AP2A1: variants seen among roughly 807,000 people sequenced by gnomAD.
The protein encoded by AP2A1 is AP-2 complex subunit alpha-1.
In AP2A1, 21 loss-of-function variants were observed where a neutral mutation model predicts 107.3. The ratio of observed to expected loss-of-function variants is 0.20; its 90% CI spans 0.14 to 0.28. The LOEUF (loss-of-function observed/expected upper bound fraction) is 0.28. Ranked by LOEUF, AP2A1 falls within the 10% of genes least tolerant of loss-of-function variation. The probability of loss-of-function intolerance (pLI) is 1.00; values close to 1 mark genes in which losing one functional copy is unlikely to be tolerated. For synonymous variants in AP2A1, 602 were observed against 564.8 expected (o/e 1.07, Z -0.93); for missense variants, 873 against 1,307.7 (o/e 0.67, Z 5.13).
intron 4 of AP2A1, among the ~76,000 whole-genome samples, chr19:49,786,140 G>A (rs909086931): frequency 1.4e-5 from 2 of 147,128 alleles, no homozygotes; most frequent in Non-Finnish European, 3.0e-5. Context: ...CCAGCTACTC[G>A]AGTGACTGAG....
rs1010116381 is a variant in AP2A1 at position 49,791,928 on chromosome 19, C to T, written c.474-7C>T. ...TGCTTCCCCTGCCCTGCATGGTGTC[C>T]CCACAGGGACAGCATGGACAGTGTC... On this transcript the variant is annotated splice_region_variant and splice_polypyrimidine_tract_variant and intron_variant, in intron 4 of 22. Transcript: ENST00000354293. 15 of 1,604,222 alleles carry T rather than the reference C, an allele frequency of 9.4e-6. No homozygotes were observed. The highest frequency in any genetic ancestry group is 1.3e-5 in the Non-Finnish European group (15 of 1,177,056).
intron 1 of AP2A1, 111 bp from the exon 2 acceptor site, chr19:49,781,646 G>A: frequency 8.8e-7 from 1 of 1,130,284 alleles, no homozygotes. Context: ...CCAGGGCTTG[G>A]GGGCGGAGAA....
At chr19:49,776,865 C>CT (rs1455332201) in intron 1 of AP2A1, among the ~76,000 whole-genome samples, 1 of 152,124 alleles carries the variant, frequency 6.6e-6, no homozygotes, top group Non-Finnish European at 1.5e-5. Flanking sequence ...CTCTGAATTC[C>CT]TTTTTTTATA....
In AP2A1 at chr19:49,803,090, G is replaced by A. The variant is rs1323484179; in HGVS notation, c.2172-17G>A. ...CAGACAGGCACCCCCGTCATCTTGCGCCCCCTGCCCCCTCAGGTTTGTGTG... is the reference window on the plus strand; with the variant it reads ...CAGACAGGCACCCCCGTCATCTTGCACCCCCTGCCCCCTCAGGTTTGTGTG... On this transcript the variant is annotated splice_polypyrimidine_tract_variant and intron_variant, in intron 16 of 22. Coordinates refer to ENST00000354293, the MANE Select transcript of AP2A1 (RefSeq NM_130787.3). The A allele has an allele frequency of 1.2e-6, 2 of 1,613,888 alleles. No individual in the cohort carries two copies. Among genetic ancestry groups the A allele is most frequent in the Admixed American group, 1.7e-5 (1 of 60,006 alleles).
At chr19:49,796,560 T>C (rs1260044315) in intron 7 of AP2A1, 1 of 152,340 alleles carries the variant, frequency 6.6e-6, no homozygotes, top group Non-Finnish European at 1.5e-5. Flanking sequence ...ACCAAATCTC[T>C]GGGTGTGCAT....
chr19:49,802,005 C>T lies in AP2A1; in HGVS notation c.1978C>T (p.Leu660Phe), dbSNP rs530851870. Residue 660 changes from leucine to phenylalanine, a missense_variant, in exon 15 of 23, where the codon CTC becomes TTC. By Grantham distance (22) the Leu-to-Phe change is conservative. Around this residue, in one of 4 missense-constraint regions of AP2A1, gnomAD observed 416 missense variants for 473.4 expected, o/e 0.88. Transcript: ENST00000354293. ...TVSTPSPSAD[L>F]LGLRAAPPPA... is the part of the protein sequence containing the mutation. ...GTCGACGCCCTCGCCCTCCGCCGAC[C>T]TCCTGGGGCTGCGGGCAGCCCCTCC... is the stretch of plus-strand genomic sequence containing the variant. 2.6e-6 allele frequency: 4 copies of T among 1,544,030 alleles called. No individual in the cohort carries two copies. Among genetic ancestry groups the T allele is most frequent in the South Asian group, 2.4e-5 (2 of 83,754 alleles).
chr19:49,805,554 C>A lies in AP2A1; in HGVS notation c.2446C>A (p.Pro816Thr). 1 of 1,576,960 alleles carries A rather than the reference C, an allele frequency of 6.3e-7. No individual in the cohort carries two copies. The highest frequency in any genetic ancestry group is 8.6e-7 in the Non-Finnish European group (1 of 1,161,752). Residue 816 changes from proline to threonine, a missense_variant, in exon 19 of 23, where the codon CCG becomes ACG. Pro to Thr is a conservative substitution (Grantham distance 38). Around this residue, in one of 4 missense-constraint regions of AP2A1, gnomAD observed 416 missense variants for 473.4 expected, o/e 0.88. Coordinates refer to ENST00000354293, the MANE Select transcript of AP2A1 (RefSeq NM_130787.3). ...GTGCCTGCGGGACTTCCTGACGCCCCCGCTGCTGTCCGTGCGCTTCCGGTG... is the reference window on the plus strand; with the variant it reads ...GTGCCTGCGGGACTTCCTGACGCCCACGCTGCTGTCCGTGCGCTTCCGGTG... ...IECLRDFLTPPLLSVRFRYGG... is the reference protein window; with the variant it reads ...IECLRDFLTPTLLSVRFRYGG...
At position 49,801,452 on chromosome 19, in the gene AP2A1, C is replaced by T; in HGVS notation, c.1616C>T (p.Ala539Val). Residue 539 changes from alanine (A) to valine (V), a missense_variant, in exon 13 of 23, where the codon GCG (alanine) becomes GTG (valine). Around this residue, in one of 4 missense-constraint regions of AP2A1, gnomAD observed 213 missense variants for 443.5 expected, o/e 0.48. Transcript: ENST00000354293. Reference protein sequence around the residue: ...KFHLCSVATRALLLSTYIKFI... With the variant: ...KFHLCSVATRVLLLSTYIKFI... ...CATCTGTGCAGCGTGGCCACGCGGG[C>T]GCTGCTGCTGTCCACCTACATCAAG... 8 of 1,613,844 alleles carry T rather than the reference C, an allele frequency of 5.0e-6. No homozygotes were observed. The highest frequency in any genetic ancestry group is 6.8e-6 in the Non-Finnish European group (8 of 1,179,858).
At chr19:49,771,092 T>C (rs573678282) in intron 1 of AP2A1, among the ~76,000 whole-genome samples, 11 of 151,882 alleles carry the variant, frequency 7.2e-5, no homozygotes, top group African/African-American at 2.7e-4. Context: ...CCTCAGGTGA[T>C]CCACTACCCC....
chr19:49,806,250 C>T lies in AP2A1; in HGVS notation c.2787C>T (p.Ala929=). The T allele has an allele frequency of 6.2e-7, 1 of 1,604,930 alleles. No individual in the cohort carries two copies. The highest frequency in any genetic ancestry group is 8.5e-7 in the Non-Finnish European group (1 of 1,176,070). The change falls in exon 22 of 23, where the codon GCC becomes GCT. Residue 929 remains alanine, a synonymous_variant. Coordinates refer to ENST00000354293, the MANE Select transcript of AP2A1 (RefSeq NM_130787.3). The part of the protein sequence containing the change: ...CLLRLEPNAQ[A]QMYRLTLRTS... Reference sequence around the variant, plus strand: ...TTCGGCTGGAGCCCAATGCCCAGGCCCAGGTGAGTGCTGCTGTGGGAGGCC... The same window carrying T: ...TTCGGCTGGAGCCCAATGCCCAGGCTCAGGTGAGTGCTGCTGTGGGAGGCC...
At position 49,801,964 on chromosome 19, in the gene AP2A1, A is replaced by G. The variant is rs1431211402; in HGVS notation, c.1954-17A>G. 2.0e-6 allele frequency: 3 copies of G among 1,478,632 alleles called. No homozygotes were observed. Among genetic ancestry groups the G allele is most frequent in the Admixed American group, 2.5e-5 (1 of 40,350 alleles). The allele number at this position is 1,478,632 out of a possible 1,614,324, so 91.6% of individuals were successfully genotyped here. On this transcript the variant is annotated splice_polypyrimidine_tract_variant and intron_variant, in intron 14 of 22. Coordinates refer to ENST00000354293, the MANE Select transcript of AP2A1 (RefSeq NM_130787.3). ...CCGGGCGCCGCCTGTCCTCACCGTGACCTGCGCTTCCTACAGTCGACGCCC... is the reference window on the plus strand; with the variant it reads ...CCGGGCGCCGCCTGTCCTCACCGTGGCCTGCGCTTCCTACAGTCGACGCCC...
intron 1 of AP2A1, among the ~76,000 whole-genome samples, chr19:49,772,966 G>C (rs891660451): frequency 6.6e-6 from 1 of 151,968 alleles, no homozygotes; most frequent in South Asian, 2.1e-4. Context: ...AAGCAGGAGC[G>C]AGGGAAGAGA....
rs1300376586 is a variant in AP2A1, at chr19:49,787,529, T to C, written c.474-4406T>C. Among the ~76,000 whole-genome samples the C allele has an allele frequency of 3.4e-5, 5 of 146,368 alleles. No individual in the cohort carries two copies. In the South Asian group the frequency reaches 8.8e-4, roughly 26 times the overall value. On this transcript the variant is annotated intron_variant, in intron 4 of 22. Coordinates refer to ENST00000354293, the MANE Select transcript of AP2A1 (RefSeq NM_130787.3). ...CACCTGGCTATTTTTTTTTTTTTTT[T>C]AGTAGAGACGAGGTTTGCCATGTTG... is the stretch of plus-strand genomic sequence containing the variant.
Position 49,806,187 on chromosome 19 carries a change from G to T in AP2A1, c.2724G>T (p.Gly908=), listed in dbSNP as rs746741199. The T allele has an allele frequency of 2.5e-6, 4 of 1,597,984 alleles. No individual in the cohort carries two copies. The highest frequency in any genetic ancestry group is 3.4e-6 in the Non-Finnish European group (4 of 1,172,796). Residue 908 remains glycine (G), a synonymous_variant, in exon 22 of 23, where the codon GGG becomes GGT. Transcript: ENST00000354293. Reference sequence around the variant, plus strand: ...ACCCTGAGAACTTCGTGGGGGCGGGGATCATCCAGACTAAAGCCCTGCAGG... The same window carrying T: ...ACCCTGAGAACTTCGTGGGGGCGGGTATCATCCAGACTAAAGCCCTGCAGG... The part of the protein sequence containing the change: ...DPNPENFVGA[G]IIQTKALQVG...
chr19:49,782,853 G>T, intron 4 of AP2A1, 129 bp downstream of exon 4: 1 of 1,134,812 alleles, frequency 8.8e-7, no homozygotes, highest in East Asian at 2.6e-5. Context: ...ACGCTGGGCT[G>T]GGGACCCAGT....
At chr19:49,792,769 GC>G in intron 5 of AP2A1, among the ~76,000 whole-genome samples, 1 of 152,226 alleles carries the variant, frequency 6.6e-6, no homozygotes, top group South Asian at 2.1e-4. Flanking sequence ...CTGGGGTCCT[GC>G]CAGGGACACC....
Position 49,802,118 on chromosome 19 carries a change from C to T in AP2A1, c.2091C>T (p.Pro697=), listed in dbSNP as rs777386245. 2 of 1,581,422 alleles carry T rather than the reference C, an allele frequency of 1.3e-6. No individual in the cohort carries two copies. The highest frequency in any genetic ancestry group is 1.7e-4 in the Middle Eastern group (1 of 6,032). The change falls in exon 15 of 23, where the codon CCC becomes CCT. Residue 697 remains proline, a synonymous_variant. Transcript: ENST00000354293. ...CGGCCGCCCAGCCCAGCCTGGGGCC[C>T]ACCCCCGAGGAGGCCTTCCTCAGGT... ...DGPAAQPSLG[P]TPEEAFLSPG... is the part of the protein sequence containing the mutation.
chr19:49,782,235 G>C, intron 3 of AP2A1, 146 bp downstream of exon 3: 1 of 678,922 alleles, frequency 1.5e-6, no homozygotes, highest in Non-Finnish European at 2.3e-6. Context: ...CTGGGGCTCT[G>C]GACTGCTGGG....
intron 1 of AP2A1, among the ~76,000 whole-genome samples, chr19:49,768,607 G>T (rs1042912180): frequency 1.3e-5 from 2 of 152,098 alleles, no homozygotes; most frequent in African/African-American, 4.8e-5. Context: ...GTTATGGAAG[G>T]ATCTGGCATG....
Sources: gnomAD v4.1 joint callset for allele counts (sites outside exome capture counted in the v4.1 genomes callset) on GRCh38, gnomAD v4.1.1 for gene constraint, gnomAD v4.1.1 regional missense constraint, MANE v1.5 for transcripts, NCBI Gene and HGNC (gene_info 2026-07-23, HGNC 2026-07-21) for gene names.